SUPT3H: variants seen among roughly 807,000 people sequenced by gnomAD.
The protein encoded by SUPT3H is transcription initiation protein SPT3 homolog.
In SUPT3H, 44 loss-of-function variants were observed where a neutral mutation model predicts 44.3. The observed-to-expected ratio is 0.99, with a 90% CI of 0.78 to 1.28. The LOEUF is 1.28. Ranked by LOEUF, SUPT3H falls within the 50% of genes most tolerant of loss-of-function variation. The pLI is 0.00. For missense variants in SUPT3H, 380 were observed against 387.1 expected, an observed-to-expected ratio of 0.98 and a Z score of 0.15; for synonymous variants, 124 against 125.6, an observed-to-expected ratio of 0.99 and a Z score of 0.09.
chr6:45,017,373 G>T (rs1489579813), intron 4 of SUPT3H, among the ~76,000 whole-genome samples: 2 of 150,790 alleles, frequency 1.3e-5, no homozygotes, highest in African/African-American at 2.4e-5. Flanking sequence ...CTCAATTTTG[G>T]CTTTTGTTGC....
At chr6:45,280,555 T>A (rs1777835729) in intron 2 of SUPT3H, among the ~76,000 whole-genome samples, 1 of 152,136 alleles carries the variant, frequency 6.6e-6, no homozygotes, top group African/African-American at 2.4e-5. Context: ...CCAATCAGCT[T>A]ATCATTAAAA....
At chr6:45,320,009 A>G (rs970135155) in intron 2 of SUPT3H, among the ~76,000 whole-genome samples, 5 of 152,164 alleles carry the variant, frequency 3.3e-5, no homozygotes, top group African/African-American at 4.8e-5. Flanking sequence ...TTGGATTCCA[A>G]CCTCATCCTA....
intron 10 of SUPT3H, among the ~76,000 whole-genome samples, chr6:44,922,910 G>A (rs1768956196): frequency 6.6e-6 from 1 of 152,042 alleles, no homozygotes; most frequent in Non-Finnish European, 1.5e-5. Flanking sequence ...GAATTCATGA[G>A]TTAAAAGAAT....
chr6:45,252,694 T>C (rs998787215), intron 2 of SUPT3H, among the ~76,000 whole-genome samples: 2 of 152,184 alleles, frequency 1.3e-5, no homozygotes, highest in East Asian at 3.9e-4. Flanking sequence ...GTGATTCATG[T>C]GCAGGTTCTT....
chr6:45,067,767 C>T (rs1169847782), intron 3 of SUPT3H, among the ~76,000 whole-genome samples: 1 of 143,166 alleles, frequency 7.0e-6, no homozygotes, highest in East Asian at 2.0e-4. Context: ...TATGAGATAC[C>T]ATCTCACACC....
intron 2 of SUPT3H, among the ~76,000 whole-genome samples, chr6:45,288,532 T>C (rs1779689124): frequency 8.7e-5 from 1 of 11,502 alleles, no homozygotes; most frequent in Admixed American, 8.2e-4. Context: ...AGAGATACAA[T>C]GTGTGTGTGT....
intron 10 of SUPT3H, among the ~76,000 whole-genome samples, chr6:44,865,620 T>C (rs891946750): frequency 1.3e-5 from 2 of 152,138 alleles, no homozygotes; most frequent in Non-Finnish European, 2.9e-5. Flanking sequence ...TTAGAACTTA[T>C]GAAACATATT....
chr6:44,997,263 A>G (rs1159570472), intron 6 of SUPT3H, among the ~76,000 whole-genome samples: 1 of 151,860 alleles, frequency 6.6e-6, no homozygotes, highest in Non-Finnish European at 1.5e-5. Flanking sequence ...TGTGGAAACA[A>G]CTGAGCTATT....
intron 4 of SUPT3H, among the ~76,000 whole-genome samples, chr6:45,019,654 C>T (rs1350252106): frequency 1.3e-5 from 2 of 151,932 alleles, no homozygotes; most frequent in East Asian, 1.9e-4. Context: ...TTTAGATGCA[C>T]ATTATTTGAT....
intron 11 of SUPT3H, among the ~76,000 whole-genome samples, chr6:44,812,130 C>A (rs549274903): frequency 6.6e-6 from 1 of 152,276 alleles, no homozygotes; most frequent in South Asian, 2.1e-4. Flanking sequence ...AATTTAGTAG[C>A]ATAAATACCA....
At chr6:45,279,891 T>A (rs1403841249) in intron 2 of SUPT3H, among the ~76,000 whole-genome samples, 1 of 152,120 alleles carries the variant, frequency 6.6e-6, no homozygotes, top group East Asian at 1.9e-4. Flanking sequence ...ATACCTCAAA[T>A]TTAACATAAC....
intron 3 of SUPT3H, among the ~76,000 whole-genome samples, chr6:45,103,905 G>C (rs1377085984): frequency 2.6e-5 from 4 of 152,136 alleles, no homozygotes; most frequent in Non-Finnish European, 5.9e-5. Flanking sequence ...AGAAACTAAT[G>C]TAGGTCAGAA....
intron 2 of SUPT3H, among the ~76,000 whole-genome samples, chr6:45,283,295 T>A (rs1645101140): frequency 6.6e-6 from 1 of 152,028 alleles, no homozygotes; most frequent in Admixed American, 6.5e-5. Flanking sequence ...ACTGCCAAAC[T>A]GGATAAAAAG....
At chr6:45,280,985 C>T (rs75674202) in intron 2 of SUPT3H, among the ~76,000 whole-genome samples, 2 of 152,046 alleles carry the variant, frequency 1.3e-5, no homozygotes, top group African/African-American at 2.4e-5. Flanking sequence ...AACTGCACTT[C>T]GATGTAACCA....
chr6:44,882,933 T>A (rs868402725), intron 10 of SUPT3H, among the ~76,000 whole-genome samples: 2 of 152,324 alleles, frequency 1.3e-5, no homozygotes, highest in South Asian at 2.1e-4. Context: ...AATATCATAC[T>A]GAATAGGCAA....
At chr6:44,939,288 A>T (rs572122186) in intron 9 of SUPT3H, among the ~76,000 whole-genome samples, 1 of 152,268 alleles carries the variant, frequency 6.6e-6, no homozygotes, top group African/African-American at 2.4e-5. Flanking sequence ...GGGATGCTGA[A>T]TTGTATCAAA....
intron 2 of SUPT3H, among the ~76,000 whole-genome samples, chr6:45,223,084 A>T (rs1355880932): frequency 2.6e-5 from 4 of 152,190 alleles, no homozygotes; most frequent in Non-Finnish European, 5.9e-5. Flanking sequence ...ATAAAAGGGG[A>T]AGCAACACAA....
chr6:45,273,728 G>T (rs902096006), intron 2 of SUPT3H, among the ~76,000 whole-genome samples: 1 of 152,062 alleles, frequency 6.6e-6, no homozygotes, highest in East Asian at 1.9e-4. Context: ...CAAATATTTG[G>T]GTCATTTTTA....
At chr6:45,160,985 A>G (rs2153601150) in intron 2 of SUPT3H, among the ~76,000 whole-genome samples, 1 of 152,156 alleles carries the variant, frequency 6.6e-6, no homozygotes, top group South Asian at 2.1e-4. Context: ...CTCATGGCTT[A>G]GTGCTGTCCT....
Sources: allele counts gnomAD v4.1 joint callset (sites outside exome capture counted in the v4.1 genomes callset), GRCh38; gene constraint gnomAD v4.1.1; transcripts MANE v1.5; gene names NCBI Gene and HGNC (gene_info 2026-07-23, HGNC 2026-07-21).